CNTN3: variants seen among roughly 807,000 people sequenced by gnomAD.
CNTN3 encodes the protein contactin 3, also known as contactin-3.
CNTN3 carries 60 observed loss-of-function variants against 119.1 expected under a neutral mutation model. That is an observed-to-expected ratio of 0.50 (90% confidence interval 0.41 to 0.62). The LOEUF is 0.62. Among genes scored for constraint, CNTN3 ranks in the 20% least tolerant of loss-of-function variants. The pLI is 0.00. For missense variants in CNTN3, 1,101 were observed against 1,242.4 expected (o/e 0.89, Z 1.71); for synonymous variants, 450 against 438.7 (o/e 1.03, Z -0.32).
intron 12 of CNTN3, 33 bp downstream of exon 12, chr3:74,336,498 G>A (rs145934932): frequency 6.3e-5 from 101 of 1,605,730 alleles, no homozygotes; most frequent in Middle Eastern, 1.7e-4. Flanking sequence ...CAGTGAATCC[G>A]TATGTAAAGC....
At chr3:74,595,436 T>G (rs547142327) in intron 1 of CNTN3, among the ~76,000 whole-genome samples, 4 of 152,246 alleles carry the variant, frequency 2.6e-5, no homozygotes, top group Non-Finnish European at 4.4e-5. Flanking sequence ...GGTCTAACAT[T>G]TAAGTCTTTA....
chr3:74,573,284 C>T (rs1033378531), intron 1 of CNTN3, among the ~76,000 whole-genome samples: 4 of 151,734 alleles, frequency 2.6e-5, no homozygotes, highest in Admixed American at 2.6e-4. Context: ...TTGAAGAGTG[C>T]TTTCTTTTTT....
chr3:74,547,918 T>C (rs1487577193), intron 1 of CNTN3, among the ~76,000 whole-genome samples: 1 of 152,180 alleles, frequency 6.6e-6, no homozygotes, highest in African/African-American at 2.4e-5. Flanking sequence ...TTCTAAGAGT[T>C]TTATTTTGTT....
At chr3:74,440,013 C>A (rs1701935007) in intron 4 of CNTN3, among the ~76,000 whole-genome samples, 1 of 152,126 alleles carries the variant, frequency 6.6e-6, no homozygotes, top group Non-Finnish European at 1.5e-5. Flanking sequence ...AGACCCAAGG[C>A]AATGATAAAT....
intron 11 of CNTN3, among the ~76,000 whole-genome samples, chr3:74,353,987 T>C (rs1703876325): frequency 6.6e-6 from 1 of 151,910 alleles, no homozygotes; most frequent in Non-Finnish European, 1.5e-5. Context: ...GTGATCACTA[T>C]TTTTTTCCCT....
chr3:74,321,634 A>T (rs948467358), intron 13 of CNTN3, among the ~76,000 whole-genome samples: 1 of 152,148 alleles, frequency 6.6e-6, no homozygotes, highest in African/African-American at 2.4e-5. Flanking sequence ...GAGCAATAAA[A>T]TCAATCATCT....
chr3:74,406,009 G>A lies in CNTN3; in HGVS notation c.454+18836C>T, dbSNP rs374296766. Among the ~76,000 whole-genome samples the A allele has an allele frequency of 2.6e-5, 4 of 152,092 alleles. No homozygotes were observed. The East Asian group carries it at 7.7e-4, about 29-fold the overall frequency. ...ATAGATAATCTTGATCCACTTTAGG[G>A]GCAGTAGCCTCTCATTCTTCATTTT... On this transcript the variant is annotated intron_variant, in intron 5 of 22. Transcript: ENST00000263665.
At chr3:74,601,912 C>T (rs891166207) in intron 1 of CNTN3, among the ~76,000 whole-genome samples, 8 of 152,054 alleles carry the variant, frequency 5.3e-5, no homozygotes, top group Non-Finnish European at 1.0e-4. Context: ...GAATCAGTTC[C>T]ACCATGAGAC....
intron 16 of CNTN3, among the ~76,000 whole-genome samples, 178 bp downstream of exon 16, chr3:74,301,220 C>T (rs1286065095): frequency 6.6e-6 from 1 of 152,176 alleles, no homozygotes; most frequent in African/African-American, 2.4e-5. Flanking sequence ...ACATCAGAGT[C>T]ACTTACATGT....
At position 74,301,436 on chromosome 3, in the gene CNTN3, G is replaced by C; in HGVS notation, c.2057C>G (p.Pro686Arg). 6.2e-7 allele frequency: 1 copy of C among 1,613,902 alleles called. No homozygotes were observed. Among genetic ancestry groups the C allele is most frequent in the Non-Finnish European group, 8.5e-7 (1 of 1,179,946 alleles). The change falls in exon 16 of 23, where the codon CCA becomes CGA. Residue 686 changes from proline to arginine, a missense_variant. Coordinates refer to ENST00000263665, the MANE Select transcript of CNTN3 (RefSeq NM_020872.3). ...TCTTACTTTTTCTGAGGGTAAACTT[G>C]GTTCTCCACCTCCAATTTTGTTACT... is the stretch of plus-strand genomic sequence containing the variant. ...VASNKIGGGE[P>R]SLPSEKVRTE...
intron 8 of CNTN3, 90 bp downstream of exon 8, chr3:74,369,099 G>C (rs185729739): frequency 7.6e-4 from 711 of 930,778 alleles, no homozygotes; most frequent in Admixed American, 2.2e-3. Flanking sequence ...TTGGGATTCT[G>C]CTATAATCTC....
intron 11 of CNTN3, among the ~76,000 whole-genome samples, chr3:74,345,622 T>C (rs1446560911): frequency 2.0e-5 from 3 of 152,180 alleles, no homozygotes; most frequent in African/African-American, 7.2e-5. Flanking sequence ...AAATTGATTG[T>C]ATTTTACTTT....
intron 1 of CNTN3, among the ~76,000 whole-genome samples, chr3:74,577,712 T>C (rs1358106807): frequency 6.6e-6 from 1 of 152,096 alleles, no homozygotes; most frequent in Admixed American, 6.6e-5. Flanking sequence ...CATGATAATA[T>C]GGGTAAAAGT....
At chr3:74,267,450 G>C (rs1701684353) in intron 20 of CNTN3, 72 bp from the exon 21 acceptor site, 1 of 1,036,786 alleles carries the variant, frequency 9.6e-7, no homozygotes, top group Non-Finnish European at 1.5e-6. Context: ...GGAGATGGCG[G>C]CTATCATAGG....
intron 13 of CNTN3, among the ~76,000 whole-genome samples, chr3:74,311,932 T>G (rs1400010156): frequency 6.6e-6 from 1 of 152,030 alleles, no homozygotes; most frequent in Non-Finnish European, 1.5e-5. Context: ...AAACATGAAC[T>G]ATAATTGAGT....
chr3:74,405,190 T>A (rs1170010779), intron 5 of CNTN3, among the ~76,000 whole-genome samples: 1 of 152,070 alleles, frequency 6.6e-6, no homozygotes, highest in Non-Finnish European at 1.5e-5. Context: ...TAAATTTAAA[T>A]GTAAAGAAAG....
chr3:74,354,184 C>A (rs2106754953), intron 11 of CNTN3, among the ~76,000 whole-genome samples: 1 of 152,168 alleles, frequency 6.6e-6, no homozygotes, highest in East Asian at 1.9e-4. Context: ...CTTTAAAAGG[C>A]ATTTAATTTT....
chr3:74,500,501 A>G (rs2107080302), intron 2 of CNTN3, among the ~76,000 whole-genome samples: 1 of 100,716 alleles, frequency 9.9e-6, no homozygotes, highest in East Asian at 2.6e-4. Flanking sequence ...AAACAAACAA[A>G]TTCGCCCAAA....
intron 11 of CNTN3, among the ~76,000 whole-genome samples, chr3:74,339,898 GATA>G (rs1703490807): frequency 1.1e-4 from 1 of 9,040 alleles, no homozygotes; most frequent in Admixed American, 1.4e-3. Context: ...GATACAGATA[GATA>G]GATAGATAGA....
Sources: gnomAD v4.1 joint callset for allele counts (sites outside exome capture counted in the v4.1 genomes callset) on GRCh38, gnomAD v4.1.1 for gene constraint, MANE v1.5 for transcripts, NCBI Gene and HGNC (gene_info 2026-07-23, HGNC 2026-07-21) for gene names.